GGNBP2: variants seen among roughly 807,000 people sequenced by gnomAD.
GGNBP2 encodes the protein gametogenetin-binding protein 2.
A neutral mutation model predicts 85.9 loss-of-function variants in GGNBP2; 10 were observed. The ratio of observed to expected loss-of-function variants is 0.12; its 90% CI spans 0.07 to 0.20. GGNBP2 has a LOEUF of 0.20. GGNBP2 is among the 10% of genes least tolerant of loss of function. The pLI is 1.00. For missense variants in GGNBP2, 595 were observed against 857.8 expected, an observed-to-expected ratio of 0.69 and a Z score of 3.83; for synonymous variants, 287 against 285.7, an observed-to-expected ratio of 1.00 and a Z score of -0.05.
chr17:36,546,949 T>C (rs958413886), intron 2 of GGNBP2: 1 of 152,234 alleles, frequency 6.6e-6, no homozygotes, highest in East Asian at 1.9e-4. Flanking sequence ...TAAGACTTGA[T>C]TGAGCTGCAG....
intron 6 of GGNBP2, among the ~76,000 whole-genome samples, chr17:36,570,756 C>T (rs1025817304): frequency 6.6e-6 from 1 of 152,148 alleles, no homozygotes; most frequent in African/African-American, 2.4e-5. Flanking sequence ...CATGGTGGCT[C>T]ATGCCTGTAA....
At chr17:36,575,170 A>T in intron 6 of GGNBP2, 1 of 655,448 alleles carries the variant, frequency 1.5e-6, no homozygotes, top group Non-Finnish European at 2.8e-6. Context: ...TCCACTCTTT[A>T]TCCTCGGCCT....
chr17:36,569,398 G>A (rs910579608), intron 6 of GGNBP2, among the ~76,000 whole-genome samples: 25 of 152,196 alleles, frequency 1.6e-4, no homozygotes, highest in African/African-American at 4.8e-4. Flanking sequence ...GCAAGACTCC[G>A]TCTCAAAAAA....
intron 5 of GGNBP2, among the ~76,000 whole-genome samples, chr17:36,564,326 TC>T (rs561149631): frequency 3.0e-4 from 45 of 152,332 alleles, no homozygotes; most frequent in African/African-American, 1.1e-3. Context: ...ATTGCTGCCT[TC>T]CTTCAAAGAC....
intron 10 of GGNBP2, 80 bp downstream of exon 10, chr17:36,585,530 C>T (rs544977528): frequency 9.9e-7 from 1 of 1,013,650 alleles, no homozygotes; most frequent in East Asian, 2.5e-5. Context: ...TTTAGAGATT[C>T]TGTGAGCTAG....
chr17:36,575,613 C>CATATATATATATATAT (rs776677029), intron 6 of GGNBP2, among the ~76,000 whole-genome samples: 11 of 66,930 alleles, frequency 1.6e-4, no homozygotes, highest in South Asian at 5.8e-4. Flanking sequence ...TCTAATGTAA[C>CATATATATATATATAT]ATATATATAT....
intron 9 of GGNBP2, among the ~76,000 whole-genome samples, chr17:36,583,674 G>C (rs1482041789): frequency 6.6e-6 from 1 of 151,732 alleles, no homozygotes; most frequent in African/African-American, 2.4e-5. Context: ...TGTTGCCCAG[G>C]CTGGTCTCGA....
At chr17:36,586,545 A>C (rs1295996053) in intron 12 of GGNBP2, 2 of 287,108 alleles carry the variant, frequency 7.0e-6, no homozygotes, top group Admixed American at 4.8e-5. Flanking sequence ...TGTCTAGTAC[A>C]TAGTAAGTGC....
At chr17:36,575,098 C>G (rs764644866) in intron 6 of GGNBP2, 2 of 819,196 alleles carry the variant, frequency 2.4e-6, no homozygotes, top group Non-Finnish European at 4.1e-6. Context: ...AGAAGACATA[C>G]ATCTCCTCCA....
Position 36,586,176 on chromosome 17 carries a change from A to G in GGNBP2, c.1619A>G (p.Lys540Arg), listed in dbSNP as rs1314394211. The change falls in exon 12 of 14, where the codon AAG becomes AGG. Residue 540 changes from lysine (K) to arginine (R), a missense_variant. Physicochemically the swap from Lys to Arg is conservative, Grantham distance 26. Coordinates refer to ENST00000613102, the MANE Select transcript of GGNBP2 (RefSeq NM_024835.5). ...AATAAAAAGAAGAAGAAGAAAAGCA[A>G]GATACTGAAATGTGATGAACATGTA... ...GKNKKKKKKS[K>R]ILKCDEHIQK... 2.5e-6 allele frequency: 4 copies of G among 1,612,962 alleles called. No individual in the cohort carries two copies. Among genetic ancestry groups the G allele is most frequent in the South Asian group, 2.2e-5 (2 of 91,016 alleles).
rs776895125 is a variant in GGNBP2, at chr17:36,586,984, G to A, written c.1642-13G>A. Reference sequence around the variant, plus strand: ...TGCCTTTTTACCTGTGAAATCCTTTGCTGTGGTATCAGATCCAGAAGCTTG... The same window carrying A: ...TGCCTTTTTACCTGTGAAATCCTTTACTGTGGTATCAGATCCAGAAGCTTG... On this transcript the variant is annotated splice_polypyrimidine_tract_variant and intron_variant, in intron 12 of 13. Transcript: ENST00000613102. 9 of 1,592,342 alleles carry A rather than the reference G, an allele frequency of 5.7e-6. No individual in the cohort carries two copies. Among genetic ancestry groups the A allele is most frequent in the Non-Finnish European group, 7.7e-6 (9 of 1,167,180 alleles).
chr17:36,578,143 A>G lies in GGNBP2; in HGVS notation c.802A>G (p.Ile268Val). 1.2e-6 allele frequency: 2 copies of G among 1,613,858 alleles called. No individual in the cohort carries two copies. Among genetic ancestry groups the G allele is most frequent in the Non-Finnish European group, 1.7e-6 (2 of 1,179,724 alleles). The change falls in exon 7 of 14, where the codon ATT becomes GTT. Residue 268 changes from isoleucine to valine, a missense_variant. Transcript: ENST00000613102. ...ACATGTTTGCTGTGAAACAGACTTC[A>G]TTGCACATCTTTTGGGTCGTGCTGA... ...HIHVCCETDF[I>V]AHLLGRAEPE...
rs1386557412 is a variant in GGNBP2, at chr17:36,544,942, G to A, written c.-262G>A. On this transcript the variant is annotated 5_prime_UTR_variant, in exon 1 of 14. Transcript: ENST00000613102. ...TCCACTCCCCGCGGCGCGAGCGGCT[G>A]ACTGCCCGTAGAGGAAACGACATTC... 2 of 151,004 alleles carry A rather than the reference G, an allele frequency of 1.3e-5. No individual in the cohort carries two copies. The highest frequency in any genetic ancestry group is 2.0e-4 in the East Asian group (1 of 4,992). 9.4% of individuals were successfully genotyped at this position (151,004 alleles called of 1,614,324 possible). A position where few individuals can be genotyped will look rare whatever the true frequency, so the allele number is the denominator to read the frequency against.
intron 6 of GGNBP2, chr17:36,574,992 G>C (rs1212982079): frequency 2.6e-6 from 4 of 1,529,306 alleles, no homozygotes; most frequent in Non-Finnish European, 3.5e-6. Flanking sequence ...TGGCCGGCAC[G>C]GGTCTGCTTC....
At chr17:36,564,411 T>G (rs2074449313) in intron 5 of GGNBP2, among the ~76,000 whole-genome samples, 1 of 152,252 alleles carries the variant, frequency 6.6e-6, no homozygotes, top group Non-Finnish European at 1.5e-5. Context: ...TACCTACTTT[T>G]GTTAAATTTA....
Position 36,589,231 on chromosome 17 carries a change from T to G in GGNBP2, c.1914T>G (p.Asp638Glu). The change falls in exon 14 of 14, where the codon GAT (aspartate) becomes GAG (glutamate). Residue 638 changes from aspartate to glutamate, a missense_variant. Physicochemically the swap from Asp to Glu is conservative, Grantham distance 45 (BLOSUM62 2). Transcript: ENST00000613102. Reference sequence around the variant, plus strand: ...AGGATGAGTCTGAATGTACTTCAGATGAGGAAATCTTTATCTCACAAGATG... The same window carrying G: ...AGGATGAGTCTGAATGTACTTCAGAGGAGGAAATCTTTATCTCACAAGATG... ...ELLDESECTS[D>E]EEIFISQDEI... 1 of 1,612,562 alleles carries G rather than the reference T, an allele frequency of 6.2e-7. No homozygotes were observed. The highest frequency in any genetic ancestry group is 1.7e-5 in the Admixed American group (1 of 60,020).
At chr17:36,548,735 G>A (rs568570091) in intron 2 of GGNBP2, among the ~76,000 whole-genome samples, 2 of 151,166 alleles carry the variant, frequency 1.3e-5, no homozygotes, top group East Asian at 3.9e-4. Flanking sequence ...CCTGAGCTCA[G>A]GAGTTTGAGA....
chr17:36,584,325 C>T (rs947841207), intron 9 of GGNBP2, among the ~76,000 whole-genome samples: 3 of 152,274 alleles, frequency 2.0e-5, no homozygotes, highest in Admixed American at 2.0e-4. Context: ...TTTAAGCATA[C>T]TTCCCATTTG....
intron 6 of GGNBP2, among the ~76,000 whole-genome samples, chr17:36,572,530 A>T (rs1227298217): frequency 2.0e-5 from 3 of 152,082 alleles, no homozygotes; most frequent in Non-Finnish European, 4.4e-5. Flanking sequence ...CTCTCCAAAG[A>T]ATACAAATAT....
Sources: gnomAD v4.1 joint callset for allele counts (sites outside exome capture counted in the v4.1 genomes callset) on GRCh38, gnomAD v4.1.1 for gene constraint, MANE v1.5 for transcripts, NCBI Gene and HGNC (gene_info 2026-07-23, HGNC 2026-07-21) for gene names.